Variants in CDH13 observed in about 807,000 individuals in gnomAD.
CDH13 encodes cadherin 13.
Under a neutral mutation model 63.8 loss-of-function variants are expected in CDH13, and 24 were observed. That is an observed-to-expected ratio of 0.38 (90% CI 0.27 to 0.53). The LOEUF (loss-of-function observed/expected upper bound fraction) is 0.53. Ranked by LOEUF, CDH13 falls within the 20% of genes least tolerant of loss-of-function variation. The probability of loss-of-function intolerance (pLI) is 0.85; values close to 1 mark genes in which losing one functional copy is unlikely to be tolerated. For synonymous variants in CDH13, 503 were observed against 355.3 expected, an observed-to-expected ratio of 1.42 and a Z score of -4.67; for missense variants, 1,049 against 903.1, an observed-to-expected ratio of 1.16 and a Z score of -2.07.
chr16:83,345,593 C>G (rs566000281), intron 6 of CDH13, among the ~76,000 whole-genome samples: 1 of 152,308 alleles, frequency 6.6e-6, no homozygotes, highest in East Asian at 1.9e-4. Flanking sequence ...CTCCCGCTGT[C>G]TTTTCCCATG....
intron 2 of CDH13, among the ~76,000 whole-genome samples, chr16:83,007,130 C>T (rs1037665079): frequency 6.6e-6 from 1 of 152,108 alleles, no homozygotes; most frequent in Non-Finnish European, 1.5e-5. Flanking sequence ...CCATGTTGGT[C>T]AGGCTGGTCT....
intron 5 of CDH13, among the ~76,000 whole-genome samples, chr16:83,329,887 A>G (rs1489735199): frequency 6.6e-6 from 1 of 152,248 alleles, no homozygotes; most frequent in East Asian, 1.9e-4. Flanking sequence ...TAGTGTTTGT[A>G]TTGAATGAAT....
intron 5 of CDH13, among the ~76,000 whole-genome samples, chr16:83,317,612 C>A (rs2090134243): frequency 6.6e-6 from 1 of 152,048 alleles, no homozygotes; most frequent in Admixed American, 6.5e-5. Context: ...ACCAGCCTGA[C>A]CAACATGGTG....
intron 6 of CDH13, among the ~76,000 whole-genome samples, chr16:83,371,037 G>C (rs13339225): frequency 0.44 from 66,619 of 152,042 alleles, 15,153 homozygotes; most frequent in African/African-American, 0.51. Flanking sequence ...AAACGAAACA[G>C]GTGCTGGCAA....
At chr16:82,832,143 C>T (rs2038567915) in intron 1 of CDH13, among the ~76,000 whole-genome samples, 1 of 152,120 alleles carries the variant, frequency 6.6e-6, no homozygotes, top group Admixed American at 6.5e-5. Context: ...TTACTGTTGA[C>T]CCTAAATGCA....
intron 10 of CDH13, among the ~76,000 whole-genome samples, chr16:83,726,600 C>T (rs1440986995): frequency 6.6e-6 from 1 of 152,100 alleles, no homozygotes; most frequent in African/African-American, 2.4e-5. Context: ...CTTTGGGAGG[C>T]CGAGGCGGGC....
At chr16:83,741,498 A>ATG (rs200653101) in intron 10 of CDH13, among the ~76,000 whole-genome samples, 6,590 of 116,226 alleles carry the variant, frequency 0.057, 183 homozygotes, top group Non-Finnish European at 0.078. Context: ...GTATATATAT[A>ATG]TATGTGTGTG....
At chr16:83,761,933 T>C (rs1206655123) in intron 11 of CDH13, among the ~76,000 whole-genome samples, 1 of 151,926 alleles carries the variant, frequency 6.6e-6, no homozygotes, top group African/African-American at 2.4e-5. Context: ...CAGGCGTGGT[T>C]GTGCATGCCT....
At chr16:83,427,339 G>T (rs1256428660) in intron 6 of CDH13, among the ~76,000 whole-genome samples, 1 of 152,100 alleles carries the variant, frequency 6.6e-6, no homozygotes, top group Non-Finnish European at 1.5e-5. Context: ...CTTACAAGAG[G>T]GATAGAGGAG....
At chr16:83,724,270 G>C (rs1366038336) in intron 10 of CDH13, among the ~76,000 whole-genome samples, 8 of 145,492 alleles carry the variant, frequency 5.5e-5, no homozygotes. Flanking sequence ...TGCATGGGTG[G>C]GTGATTAATG....
intron 5 of CDH13, among the ~76,000 whole-genome samples, chr16:83,288,987 T>C (rs2089397921): frequency 6.6e-6 from 1 of 152,210 alleles, no homozygotes; most frequent in African/African-American, 2.4e-5. Flanking sequence ...AACTGCCTGC[T>C]CGCTACAGTT....
In CDH13 at chr16:83,772,443, C is replaced by A. The variant is rs187429796; in HGVS notation, c.1682-7525C>A. Among the ~76,000 whole-genome samples, 12 of 152,272 alleles carry A rather than the reference C, an allele frequency of 7.9e-5. No homozygotes were observed. The East Asian group carries it at 1.3e-3, about 17-fold the overall frequency. On this transcript the variant is annotated intron_variant, in intron 11 of 13. Transcript: ENST00000567109. ...CCAGAAACACGATAAATTAGCAGAC[C>A]AAATGCCAGTCTGCAACTGCTGGTT...
chr16:82,817,796 CT>C (rs1567565815), intron 1 of CDH13, among the ~76,000 whole-genome samples: 2 of 152,136 alleles, frequency 1.3e-5, no homozygotes, highest in East Asian at 3.9e-4. Flanking sequence ...CAGAGTGAGA[CT>C]CCATCTCAAA....
At chr16:83,727,804 A>G (rs966657110) in intron 10 of CDH13, among the ~76,000 whole-genome samples, 1 of 152,102 alleles carries the variant, frequency 6.6e-6, no homozygotes, top group Non-Finnish European at 1.5e-5. Context: ...CTGGCTGACA[A>G]CTTTGCTCAC....
At chr16:83,129,116 T>C (rs2035939392) in intron 4 of CDH13, among the ~76,000 whole-genome samples, 1 of 152,310 alleles carries the variant, frequency 6.6e-6, no homozygotes, top group African/African-American at 2.4e-5. Flanking sequence ...GCTGACGAGC[T>C]GTGCTCTGCA....
Position 83,488,920 on chromosome 16 carries a change from C to T in CDH13, c.960+2265C>T, listed in dbSNP as rs143176552. On this transcript the variant is annotated intron_variant, in intron 7 of 13. Coordinates refer to ENST00000567109, the MANE Select transcript of CDH13 (RefSeq NM_001257.5). ...GATTACAGGGATGAGCCACTGCGCC[C>T]GGCCAATGCTCCCTATTTTTATGAC... Among the ~76,000 whole-genome samples, 9 of 152,268 alleles carry T rather than the reference C, an allele frequency of 5.9e-5. No homozygotes were observed. The East Asian group carries it at 1.2e-3, about 20-fold the overall frequency.
chr16:83,395,326 A>T (rs2091867020), intron 6 of CDH13, among the ~76,000 whole-genome samples: 2 of 151,634 alleles, frequency 1.3e-5, no homozygotes. Flanking sequence ...AAAAAAAAAA[A>T]GTCAAGGAAG....
intron 1 of CDH13, among the ~76,000 whole-genome samples, chr16:82,652,532 A>G (rs1910841203): frequency 6.6e-6 from 1 of 152,180 alleles, no homozygotes; most frequent in Admixed American, 6.5e-5. Flanking sequence ...CCCATACTTA[A>G]GCTTCTGCTC....
At chr16:83,016,812 G>A (rs185779967) in intron 2 of CDH13, among the ~76,000 whole-genome samples, 9 of 149,040 alleles carry the variant, frequency 6.0e-5, no homozygotes, top group African/African-American at 7.3e-5. Context: ...AAATGCTTTT[G>A]GATCTTTTTG....
Sources: gnomAD v4.1 joint callset for allele counts (sites outside exome capture counted in the v4.1 genomes callset) on GRCh38, gnomAD v4.1.1 for gene constraint, MANE v1.5 for transcripts, NCBI Gene and HGNC (gene_info 2026-07-23, HGNC 2026-07-21) for gene names.